The following BST1 variants were observed in gnomAD, a reference collection of about 807,000 sequenced individuals.
The protein encoded by BST1 is bone marrow stromal cell antigen 1, also known as ADP-ribosyl cyclase/cyclic ADP-ribose hydrolase 2.
Under a neutral mutation model 40.6 loss-of-function variants are expected in BST1, and 49 were observed. That is an observed-to-expected ratio of 1.21 (90% CI 0.96 to 1.53). The LOEUF is 1.53. Among genes scored for constraint, BST1 ranks in the 40% most tolerant of loss-of-function variants. The pLI is 0.00. For synonymous variants in BST1, 157 were observed against 159.3 expected (o/e 0.99, Z 0.11); for missense variants, 423 against 395.9 (o/e 1.07, Z -0.58).
the BST1 span, among the ~76,000 whole-genome samples, chr4:15,755,904 A>G: frequency 1.3e-5 from 2 of 152,254 alleles, no homozygotes; most frequent in Non-Finnish European, 2.9e-5. Context: ...CAAAGCTTCC[A>G]GGGAATAAAG....
At chr4:15,762,188 C>CAAAAAAAAAAAAAAA in the BST1 span, among the ~76,000 whole-genome samples, 2 of 61,266 alleles carry the variant, frequency 3.3e-5, no homozygotes, top group Non-Finnish European at 6.0e-5. Context: ...GACTCCATCT[C>CAAAAAAAAAAAAAAA]AAAAAAAAAA....
At chr4:15,723,225 T>C (rs1462015827) in intron 8 of BST1, among the ~76,000 whole-genome samples, 1 of 152,174 alleles carries the variant, frequency 6.6e-6, no homozygotes, top group Admixed American at 6.5e-5. Flanking sequence ...TGTAGAGCAA[T>C]CTGTAGGATG....
chr4:15,718,908 G>A lies in BST1; in HGVS notation c.706G>A (p.Glu236Lys), dbSNP rs1720655551. 6.2e-7 allele frequency: 1 copy of A among 1,613,574 alleles called. No homozygotes were observed. The highest frequency in any genetic ancestry group is 1.7e-5 in the Admixed American group (1 of 59,950). Residue 236 changes from glutamate (E) to lysine (K), a missense_variant and splice_region_variant, in exon 7 of 9, where the codon GAA becomes AAA. Transcript: ENST00000265016. The stretch of plus-strand genomic sequence containing the variant: ...TAATTATATATTTTCATGTTTTAGG[G>A]AATCCTGCGGGGAAGGCAGCATGAA... The part of the protein sequence containing the change: ...VMHEIGGPNV[E>K]SCGEGSMKVL...
the BST1 span, among the ~76,000 whole-genome samples, chr4:15,768,942 T>C: frequency 6.6e-6 from 1 of 152,210 alleles, no homozygotes; most frequent in Non-Finnish European, 1.5e-5. Flanking sequence ...ACAGACTGAG[T>C]CTGTCAACTG....
chr4:15,731,189 T>C (rs1054837416), intron 8 of BST1: 4 of 434,536 alleles, frequency 9.2e-6, no homozygotes, highest in African/African-American at 2.0e-5. Context: ...TCATCCACTT[T>C]GGCCACCATG....
chr4:15,712,355 G>T (rs2148882725), intron 4 of BST1, among the ~76,000 whole-genome samples: 1 of 152,278 alleles, frequency 6.6e-6, no homozygotes, highest in Admixed American at 6.5e-5. Context: ...ATGGTCCCCT[G>T]AAGGTAGGTC....
At chr4:15,757,092 C>A in the BST1 span, among the ~76,000 whole-genome samples, 1 of 152,176 alleles carries the variant, frequency 6.6e-6, no homozygotes. Context: ...ATTTGCATAA[C>A]AAGACAAACT....
At chr4:15,733,093 T>C (rs576344097), downstream of BST1, among the ~76,000 whole-genome samples, 5 of 152,292 alleles carry the variant, frequency 3.3e-5, no homozygotes, top group East Asian at 9.6e-4. Context: ...GCTTCCACAA[T>C]GTGGAAGGGG....
Position 15,731,757 on chromosome 4 carries a change from A to C in BST1, c.869A>C (p.Gln290Pro), listed in dbSNP as rs374457002. 4.3e-6 allele frequency: 7 copies of C among 1,613,182 alleles called. No individual in the cohort carries two copies. In the African/African-American group the frequency reaches 8.0e-5, roughly 18 times the overall value. ...CALKSAAAAT[Q>P]RKAPSLYTEQ... is the part of the protein sequence containing the mutation. ...ATTTGCAGGGCAGCAGCCGCTACTC[A>C]AAGAAAAGCCCCAAGTCTTTATACA... Residue 290 changes from glutamine to proline, a missense_variant, in exon 9 of 9, where the codon CAA becomes CCA. Physicochemically the swap from Gln to Pro is moderately conservative, Grantham distance 76. Coordinates refer to ENST00000265016, the MANE Select transcript of BST1 (RefSeq NM_004334.3).
intron 7 of BST1, among the ~76,000 whole-genome samples, chr4:15,720,933 G>A (rs1313085408): frequency 1.3e-5 from 2 of 152,194 alleles, no homozygotes; most frequent in Non-Finnish European, 2.9e-5. Context: ...TATGTCATTG[G>A]GCTGAGTTAT....
chr4:15,723,222 C>A (rs1039514607), intron 8 of BST1, among the ~76,000 whole-genome samples: 1 of 152,136 alleles, frequency 6.6e-6, no homozygotes, highest in African/African-American at 2.4e-5. Flanking sequence ...GGCTGTAGAG[C>A]AATCTGTAGG....
At chr4:15,717,250 T>G (rs1560282202) in intron 6 of BST1, among the ~76,000 whole-genome samples, 2 of 152,190 alleles carry the variant, frequency 1.3e-5, no homozygotes, top group Non-Finnish European at 2.9e-5. Context: ...ACACTGTGCT[T>G]TCTTCATTCC....
At chr4:15,710,768 C>A (rs376610851) in intron 3 of BST1, among the ~76,000 whole-genome samples, 12 of 152,124 alleles carry the variant, frequency 7.9e-5, no homozygotes, top group Middle Eastern at 3.4e-3. Flanking sequence ...AATAGTATTG[C>A]ATTATGCATA....
At chr4:15,744,553 T>C in the BST1 span, among the ~76,000 whole-genome samples, 3 of 152,206 alleles carry the variant, frequency 2.0e-5, no homozygotes, top group Non-Finnish European at 4.4e-5. Context: ...GGGATTACAA[T>C]TTAAGATGAG....
chr4:15,706,392 T>C (rs1719882715), intron 2 of BST1, among the ~76,000 whole-genome samples: 1 of 152,236 alleles, frequency 6.6e-6, no homozygotes, highest in Non-Finnish European at 1.5e-5. Context: ...AAACTCTCAA[T>C]CTCAGTATCC....
At chr4:15,769,515 A>G in the BST1 span, among the ~76,000 whole-genome samples, 2 of 152,148 alleles carry the variant, frequency 1.3e-5, no homozygotes, top group African/African-American at 4.8e-5. Flanking sequence ...AGCCTGAGCC[A>G]CAGGGAGTTA....
chr4:15,711,778 T>C (rs771380163), intron 3 of BST1, 29 bp from the exon 4 acceptor site: 5 of 1,523,146 alleles, frequency 3.3e-6, no homozygotes, highest in Non-Finnish European at 4.6e-6. Context: ...ATCTTTGGAA[T>C]AAAATGTGTT....
the BST1 span, among the ~76,000 whole-genome samples, chr4:15,752,434 G>T: frequency 6.6e-6 from 1 of 151,704 alleles, no homozygotes; most frequent in Non-Finnish European, 1.5e-5. Flanking sequence ...TATTGCCCAG[G>T]CTGGAGTGCA....
At chr4:15,765,779 T>G in the BST1 span, among the ~76,000 whole-genome samples, 23 of 151,958 alleles carry the variant, frequency 1.5e-4, no homozygotes, top group African/African-American at 3.6e-4. Flanking sequence ...TCCTTGGTCC[T>G]TTACCCAAAA....
Sources: gnomAD v4.1 joint callset for allele counts (sites outside exome capture counted in the v4.1 genomes callset) on GRCh38, gnomAD v4.1.1 for gene constraint, MANE v1.5 for transcripts, NCBI Gene and HGNC (gene_info 2026-07-23, HGNC 2026-07-21) for gene names.